Variants in DCC observed in about 807,000 individuals in gnomAD.
The protein encoded by DCC is DCC netrin 1 receptor, also known as netrin receptor DCC.
DCC carries 58 observed loss-of-function variants against 172.5 expected under a neutral mutation model. That is an observed-to-expected ratio of 0.34 (90% CI 0.27 to 0.42). DCC has a LOEUF of 0.42. Ranked by LOEUF, DCC falls within the 10% of genes least tolerant of loss-of-function variation. The pLI, the probability that DCC is intolerant of heterozygous loss-of-function variation, is 1.00. For missense variants in DCC, 1,740 were observed against 1,791.0 expected (o/e 0.97, Z 0.51); for synonymous variants, 709 against 644.5 (o/e 1.10, Z -1.52).
At chr18:52,951,655 T>A (rs1027724105) in intron 5 of DCC, among the ~76,000 whole-genome samples, 1 of 152,162 alleles carries the variant, frequency 6.6e-6, no homozygotes. Context: ...TCAAAATAAA[T>A]TTATATTTGG....
intron 1 of DCC, among the ~76,000 whole-genome samples, chr18:52,369,873 T>A (rs1350174377): frequency 6.6e-6 from 1 of 152,156 alleles, no homozygotes; most frequent in Admixed American, 6.5e-5. Flanking sequence ...TGAGTCAACC[T>A]GAATATGATT....
intron 5 of DCC, among the ~76,000 whole-genome samples, chr18:53,048,728 G>A (rs2042294308): frequency 6.6e-6 from 1 of 151,286 alleles, no homozygotes; most frequent in Non-Finnish European, 1.5e-5. Flanking sequence ...GGATTGCTAA[G>A]TCAAACGGCA....
intron 3 of DCC, among the ~76,000 whole-genome samples, chr18:52,914,479 T>C (rs910744517): frequency 1.3e-5 from 2 of 152,096 alleles, no homozygotes; most frequent in Non-Finnish European, 2.9e-5. Context: ...GGAAGGAAAA[T>C]AATAGAATCC....
chr18:52,505,514 G>A (rs200491237), intron 1 of DCC, among the ~76,000 whole-genome samples: 3 of 151,984 alleles, frequency 2.0e-5, no homozygotes, highest in African/African-American at 4.8e-5. Context: ...TTCGCTAAAC[G>A]GCACAAAAGA....
intron 1 of DCC, among the ~76,000 whole-genome samples, chr18:52,396,348 T>TA (rs1363510704): frequency 2.8e-5 from 2 of 71,302 alleles, no homozygotes; most frequent in Admixed American, 2.0e-4. Context: ...ATTAGAAAAA[T>TA]AAAAAAATCA....
chr18:52,343,025 G>A lies in DCC; in HGVS notation c.91+2147G>A, dbSNP rs1320181618. 1.3e-5 allele frequency among the ~76,000 whole-genome samples: 2 copies of A among 152,206 alleles called. 1 individual carries two copies. The highest frequency in any genetic ancestry group is 4.1e-4 in the South Asian group (2 of 4,826). Reference sequence around the variant, plus strand: ...ACACACATACACATGGGTTATGTTGGTGGATAGGCTAACGGATCTAAATCT... The same window carrying A: ...ACACACATACACATGGGTTATGTTGATGGATAGGCTAACGGATCTAAATCT... On this transcript the variant is annotated intron_variant, in intron 1 of 28. Transcript: ENST00000442544.
At chr18:52,367,090 G>C (rs564683518) in intron 1 of DCC, among the ~76,000 whole-genome samples, 1 of 152,230 alleles carries the variant, frequency 6.6e-6, no homozygotes, top group Admixed American at 6.5e-5. Context: ...CGAGCGCAGC[G>C]CCGGTGGGCT....
chr18:53,386,008 T>C (rs1296409958), intron 15 of DCC, 35 bp from the exon 16 acceptor site: 3 of 1,335,098 alleles, frequency 2.2e-6, no homozygotes, highest in South Asian at 1.2e-5. Context: ...ATTAAATATA[T>C]CAACACGTTC....
At chr18:52,356,578 A>G (rs1984373105) in intron 1 of DCC, among the ~76,000 whole-genome samples, 3 of 152,184 alleles carry the variant, frequency 2.0e-5, no homozygotes, top group Non-Finnish European at 2.9e-5. Flanking sequence ...AATTATTATT[A>G]GGATGATATT....
chr18:53,019,409 C>T (rs1001165058), intron 5 of DCC, among the ~76,000 whole-genome samples: 5 of 152,078 alleles, frequency 3.3e-5, no homozygotes, highest in African/African-American at 9.7e-5. Context: ...CAACTTAAGC[C>T]ATTGTCATGA....
At chr18:52,644,933 A>G (rs1171404017) in intron 1 of DCC, among the ~76,000 whole-genome samples, 1 of 152,040 alleles carries the variant, frequency 6.6e-6, no homozygotes, top group Non-Finnish European at 1.5e-5. Context: ...ATTAGCATTG[A>G]CCCCATATAT....
At chr18:53,516,541 A>T (rs2046335975) in intron 27 of DCC, among the ~76,000 whole-genome samples, 1 of 150,920 alleles carries the variant, frequency 6.6e-6, no homozygotes, top group South Asian at 2.1e-4. Context: ...AAATTTTTGC[A>T]ACCTACTCAT....
rs193044284 is a variant in DCC, at chr18:52,359,330, G to A, written c.91+18452G>A. On this transcript the variant is annotated intron_variant, in intron 1 of 28. Coordinates refer to ENST00000442544, the MANE Select transcript of DCC (RefSeq NM_005215.4). ...GGTTTGAAGTGATGTGGTACATATT[G>A]CTTAAGAAATACTTATTGCCCACCC... Among the ~76,000 whole-genome samples, 24 of 152,274 alleles carry A rather than the reference G, an allele frequency of 1.6e-4. 1 individual carries two copies. Among genetic ancestry groups the A allele is most frequent in the African/African-American group, 4.3e-4 (18 of 41,562 alleles).
At chr18:52,852,335 G>A (rs1395211232) in intron 2 of DCC, among the ~76,000 whole-genome samples, 1 of 151,964 alleles carries the variant, frequency 6.6e-6, no homozygotes, top group African/African-American at 2.4e-5. Flanking sequence ...CCAAATTATA[G>A]ACTTAAAGGT....
chr18:52,719,611 A>AAC (rs765677933), intron 1 of DCC, among the ~76,000 whole-genome samples: 51 of 13,636 alleles, frequency 3.7e-3, no homozygotes, highest in Non-Finnish European at 0.017. Context: ...TCTAAGGAAC[A>AAC]AAAAAAAAAA....
At chr18:52,685,272 T>A (rs907738986) in intron 1 of DCC, among the ~76,000 whole-genome samples, 1 of 152,146 alleles carries the variant, frequency 6.6e-6, no homozygotes, top group African/African-American at 2.4e-5. Context: ...TGGTCTCTGG[T>A]AAATATTTAC....
chr18:52,476,209 T>A (rs1989089511), intron 1 of DCC, among the ~76,000 whole-genome samples: 1 of 152,112 alleles, frequency 6.6e-6, no homozygotes, highest in African/African-American at 2.4e-5. Context: ...TTAAATCACA[T>A]TTTATATTCC....
At chr18:52,818,894 A>G (rs1181135688) in intron 2 of DCC, among the ~76,000 whole-genome samples, 1 of 152,244 alleles carries the variant, frequency 6.6e-6, no homozygotes, top group African/African-American at 2.4e-5. Context: ...AGAGACTTGA[A>G]TCATTCTATC....
At chr18:52,566,240 T>A (rs56171638) in intron 1 of DCC, among the ~76,000 whole-genome samples, 20,214 of 152,108 alleles carry the variant, frequency 0.13, 1,418 homozygotes, top group South Asian at 0.2. Context: ...CTGGAAACCA[T>A]AATTCTCAGC....
Sources: allele counts gnomAD v4.1 joint callset (sites outside exome capture counted in the v4.1 genomes callset), GRCh38; gene constraint gnomAD v4.1.1; transcripts MANE v1.5; gene names NCBI Gene and HGNC (gene_info 2026-07-23, HGNC 2026-07-21).